The following TPRG1 variants were observed in gnomAD, a reference collection of about 807,000 sequenced individuals.
TPRG1 encodes the protein tumor protein p63-regulated gene 1 protein.
TPRG1 carries 29 observed loss-of-function variants against 29.3 expected under a neutral mutation model. The observed-to-expected ratio is 0.99, with a 90% CI of 0.74 to 1.35. TPRG1 has a LOEUF of 1.35. Ranked by LOEUF, TPRG1 falls within the 40% of genes most tolerant of loss-of-function variation. TPRG1 has a pLI of 0.00. For synonymous variants in TPRG1, 130 were observed against 116.8 expected (o/e 1.11, Z -0.73); for missense variants, 327 against 335.0 (o/e 0.98, Z 0.19).
intron 1 of TPRG1, among the ~76,000 whole-genome samples, chr3:189,107,016 G>A (rs1225366449): frequency 1.3e-5 from 2 of 151,192 alleles, no homozygotes; most frequent in African/African-American, 4.9e-5. Flanking sequence ...TTTTAATCTT[G>A]GAAAAAATAG....
At chr3:189,267,079 C>T (rs1226180951) in intron 4 of TPRG1, among the ~76,000 whole-genome samples, 1 of 151,944 alleles carries the variant, frequency 6.6e-6, no homozygotes, top group African/African-American at 2.4e-5. Flanking sequence ...GATGGCAGTC[C>T]CACAAAATTA....
intron 2 of TPRG1, among the ~76,000 whole-genome samples, chr3:189,211,422 A>G (rs1735241322): frequency 6.6e-6 from 1 of 152,210 alleles, no homozygotes; most frequent in South Asian, 2.1e-4. Flanking sequence ...CAAAGAGGTG[A>G]CTGACACATA....
At chr3:189,229,994 A>G (rs1394226924) in intron 3 of TPRG1, among the ~76,000 whole-genome samples, 1 of 152,124 alleles carries the variant, frequency 6.6e-6, no homozygotes, top group Non-Finnish European at 1.5e-5. Context: ...CCTCCTTAGA[A>G]TGGGGTCTTG....
At chr3:189,177,718 C>T (rs1209288063) in intron 1 of TPRG1, among the ~76,000 whole-genome samples, 1 of 151,904 alleles carries the variant, frequency 6.6e-6, no homozygotes, top group East Asian at 1.9e-4. Flanking sequence ...TGGTCCCATG[C>T]CAGCAGAGAG....
intron 3 of TPRG1, among the ~76,000 whole-genome samples, chr3:189,226,499 T>C (rs2108884634): frequency 1.3e-5 from 2 of 151,978 alleles, no homozygotes; most frequent in East Asian, 3.9e-4. Flanking sequence ...CTTATCAAAA[T>C]GTGTGGGACG....
At chr3:189,154,757 C>T (rs891298241) in intron 5 of TPRG1, among the ~76,000 whole-genome samples, 3 of 152,040 alleles carry the variant, frequency 2.0e-5, no homozygotes, top group African/African-American at 7.2e-5. Flanking sequence ...GTGTACATTT[C>T]TATGTGGTGT....
intron 1 of TPRG1, among the ~76,000 whole-genome samples, chr3:189,199,523 T>C (rs1376757014): frequency 6.6e-6 from 1 of 152,206 alleles, no homozygotes; most frequent in Non-Finnish European, 1.5e-5. Flanking sequence ...AACCCACCCA[T>C]GAACCCCTCA....
At chr3:189,198,896 C>A (rs1732997939) in intron 1 of TPRG1, among the ~76,000 whole-genome samples, 1 of 152,198 alleles carries the variant, frequency 6.6e-6, no homozygotes, top group Non-Finnish European at 1.5e-5. Context: ...TCTGTAATCT[C>A]AAAAAATTCT....
At chr3:189,105,413 C>T (rs944649722) in intron 1 of TPRG1, among the ~76,000 whole-genome samples, 5 of 152,020 alleles carry the variant, frequency 3.3e-5, no homozygotes, top group Non-Finnish European at 7.4e-5. Context: ...TCCACCCTAC[C>T]ATATTAGACA....
chr3:189,261,897 C>A (rs1713126672), intron 4 of TPRG1, among the ~76,000 whole-genome samples: 1 of 152,090 alleles, frequency 6.6e-6, no homozygotes, highest in South Asian at 2.1e-4. Context: ...GTTGTCTGGG[C>A]CCCAACTGTT....
chr3:189,086,965 A>G (rs1406030518), intron 4 of TPRG1, among the ~76,000 whole-genome samples: 5 of 152,172 alleles, frequency 3.3e-5, no homozygotes, highest in Admixed American at 2.0e-4. Flanking sequence ...TGCAATAAAC[A>G]TACGTGTGCA....
chr3:189,177,715 A>C (rs1235685844), intron 1 of TPRG1, among the ~76,000 whole-genome samples: 1 of 152,120 alleles, frequency 6.6e-6, no homozygotes, highest in Non-Finnish European at 1.5e-5. Context: ...GAGTGGTCCC[A>C]TGCCAGCAGA....
intron 1 of TPRG1, among the ~76,000 whole-genome samples, chr3:189,111,830 G>C (rs139244197): frequency 6.7e-4 from 102 of 152,228 alleles, no homozygotes; most frequent in African/African-American, 2.3e-3. Flanking sequence ...CACTGGCTTA[G>C]ACTTTCAGTA....
At chr3:189,167,876 TTTGCAAAGGAGAAAGAGAG>T (rs1728350411), upstream of TPRG1, among the ~76,000 whole-genome samples, 1 of 152,166 alleles carries the variant, frequency 6.6e-6, no homozygotes, top group South Asian at 2.1e-4. Flanking sequence ...CAGACCTTAT[TTTGCAAAGGAGAAAGAGAG>T]GCCAAGATAG....
intron 5 of TPRG1, among the ~76,000 whole-genome samples, chr3:189,165,677 A>G (rs1038967604): frequency 6.4e-4 from 97 of 151,710 alleles, no homozygotes; most frequent in African/African-American, 2.1e-3. Flanking sequence ...TAAGCCCTGG[A>G]CTCTGGGCCT....
At chr3:189,022,889 G>GT (rs532338190) in intron 3 of TPRG1, among the ~76,000 whole-genome samples, 1 of 152,200 alleles carries the variant, frequency 6.6e-6, no homozygotes, top group Admixed American at 6.5e-5. Context: ...GACTCCGTGG[G>GT]GTAGGACCCT....
At chr3:189,052,621 C>T (rs982697851) in intron 4 of TPRG1, among the ~76,000 whole-genome samples, 1 of 152,052 alleles carries the variant, frequency 6.6e-6, no homozygotes, top group Non-Finnish European at 1.5e-5. Context: ...AGTCATTATT[C>T]GAAAAAGATA....
chr3:189,252,713 A>T (rs1742483732), intron 4 of TPRG1, among the ~76,000 whole-genome samples: 1 of 152,198 alleles, frequency 6.6e-6, no homozygotes, highest in African/African-American at 2.4e-5. Context: ...AAATGTCAAT[A>T]ATATAAAACC....
chr3:189,140,423 G>C (rs1004620318), intron 3 of TPRG1, among the ~76,000 whole-genome samples: 5 of 151,978 alleles, frequency 3.3e-5, no homozygotes, highest in Non-Finnish European at 4.4e-5. Context: ...CAGCATTATA[G>C]GGGATTAAAT....
Sources: gnomAD v4.1 joint callset for allele counts (sites outside exome capture counted in the v4.1 genomes callset) on GRCh38, gnomAD v4.1.1 for gene constraint, MANE v1.5 for transcripts, NCBI Gene and HGNC (gene_info 2026-07-23, HGNC 2026-07-21) for gene names.